DTNA: variants seen among roughly 807,000 people sequenced by gnomAD.
The protein encoded by DTNA is dystrophin-related protein 3.
In DTNA, 43 loss-of-function variants were observed where a neutral mutation model predicts 100.7. The ratio of observed to expected loss-of-function variants is 0.43; its 90% confidence interval spans 0.33 to 0.55. The LOEUF is 0.55. Ranked by LOEUF, DTNA falls within the 20% of genes least tolerant of loss-of-function variation. The pLI is 0.04. For missense variants in DTNA, 798 were observed against 953.9 expected, an observed-to-expected ratio of 0.84 and a Z score of 2.15; for synonymous variants, 349 against 347.9, an observed-to-expected ratio of 1.00 and a Z score of -0.04.
At chr18:34,597,576 A>C (rs16965609) in intron 1 of DTNA, among the ~76,000 whole-genome samples, 1 of 152,222 alleles carries the variant, frequency 6.6e-6, no homozygotes. Context: ...TTAGTGATTC[A>C]TGACTCCCTT....
chr18:34,590,057 A>G (rs12326254), intron 1 of DTNA, among the ~76,000 whole-genome samples: 15,669 of 152,230 alleles, frequency 0.1, 1,170 homozygotes, highest in African/African-American at 0.21. Context: ...ATAATGCTGC[A>G]ATGAGCATGG....
chr18:34,572,849 T>C (rs2047725315), intron 1 of DTNA, among the ~76,000 whole-genome samples: 1 of 152,168 alleles, frequency 6.6e-6, no homozygotes, highest in African/African-American at 2.4e-5. Context: ...AGTGGCCTCT[T>C]TATTCCTGAA....
chr18:34,701,273 T>C (rs1256594728), intron 1 of DTNA, among the ~76,000 whole-genome samples: 1 of 152,148 alleles, frequency 6.6e-6, no homozygotes, highest in East Asian at 1.9e-4. Flanking sequence ...CCAAAAAAGG[T>C]TCTTGTTAAG....
intron 3 of DTNA, 65 bp from the exon 4 acceptor site, chr18:34,793,972 A>G (rs2094861575): frequency 3.3e-6 from 5 of 1,530,448 alleles, no homozygotes; most frequent in South Asian, 2.3e-5. Context: ...ACAGAGGGTC[A>G]TGTAAACTGA....
intron 1 of DTNA, among the ~76,000 whole-genome samples, chr18:34,540,919 G>T (rs142600757): frequency 1.0e-3 from 157 of 151,970 alleles, no homozygotes; most frequent in African/African-American, 3.6e-3. Context: ...TTGAAGGTAG[G>T]GTTTTCATCT....
intron 1 of DTNA, among the ~76,000 whole-genome samples, chr18:34,494,451 G>C (rs2038957384): frequency 6.6e-6 from 1 of 152,162 alleles, no homozygotes; most frequent in African/African-American, 2.4e-5. Flanking sequence ...CTGCTGGACA[G>C]AGGGCAGGCG....
At chr18:34,835,776 T>C (rs1172257038) in intron 11 of DTNA, among the ~76,000 whole-genome samples, 5 of 152,232 alleles carry the variant, frequency 3.3e-5, no homozygotes, top group Non-Finnish European at 7.3e-5. Flanking sequence ...GGCAAACACA[T>C]CTTTGTGGTT....
At chr18:34,542,871 AG>A (rs1159169121) in intron 1 of DTNA, among the ~76,000 whole-genome samples, 1 of 145,334 alleles carries the variant, frequency 6.9e-6, no homozygotes, top group East Asian at 2.1e-4. Flanking sequence ...CACTTTAAAA[AG>A]CAACTACATT....
At chr18:34,547,786 G>A (rs1242087225) in intron 1 of DTNA, among the ~76,000 whole-genome samples, 2 of 152,036 alleles carry the variant, frequency 1.3e-5, no homozygotes, top group Non-Finnish European at 2.9e-5. Context: ...GACAAAAGTT[G>A]GAATAGATTG....
rs1555881846 is a variant in DTNA at position 34,862,140 on chromosome 18, A to AAG, written c.1647-1825_1647-1824insGA. 2.9e-3 allele frequency among the ~76,000 whole-genome samples: 420 copies of AAG among 146,980 alleles called. 10 individuals are homozygous for AAG. Among genetic ancestry groups the AAG allele is most frequent in the African/African-American group, 0.01 (404 of 39,138 alleles). ...AGACAAGGTCAAAAAAAAAAAAAAA[A>AAG]AAAGAGAAAGAGAAAGAACACCTCC... On this transcript the variant is annotated intron_variant, in intron 16 of 22. Transcript: ENST00000444659.
At chr18:34,708,473 A>G (rs1476219104), upstream of DTNA, among the ~76,000 whole-genome samples, 1 of 152,204 alleles carries the variant, frequency 6.6e-6, no homozygotes, top group South Asian at 2.1e-4. Flanking sequence ...TTTTTCTTCC[A>G]TATTTAAAGA....
At chr18:34,509,155 A>G (rs1156828961) in intron 1 of DTNA, among the ~76,000 whole-genome samples, 1 of 152,130 alleles carries the variant, frequency 6.6e-6, no homozygotes, top group African/African-American at 2.4e-5. Flanking sequence ...TGTTTGCTCA[A>G]TAATACCATT....
At chr18:34,664,534 GGTTATA>G (rs1458787985) in intron 1 of DTNA, among the ~76,000 whole-genome samples, 1 of 152,026 alleles carries the variant, frequency 6.6e-6, no homozygotes, top group Non-Finnish European at 1.5e-5. Flanking sequence ...CTGAATGCTG[GGTTATA>G]CAATGTCCAT....
intron 1 of DTNA, among the ~76,000 whole-genome samples, chr18:34,624,479 T>C (rs894822313): frequency 1.3e-5 from 2 of 152,194 alleles, no homozygotes; most frequent in African/African-American, 2.4e-5. Flanking sequence ...TTTAACATTA[T>C]TTTTGAGTAA....
chr18:34,868,338 ACTGACCT>A, intron 17 of DTNA: 1 of 403,170 alleles, frequency 2.5e-6, no homozygotes, highest in Middle Eastern at 1.2e-3. Context: ...TGTTTCTTAT[ACTGACCT>A]CAGTCAAAAT....
At chr18:34,648,861 A>T (rs2060138473) in intron 1 of DTNA, among the ~76,000 whole-genome samples, 1 of 152,230 alleles carries the variant, frequency 6.6e-6, no homozygotes, top group Non-Finnish European at 1.5e-5. Context: ...TGTATGTGCA[A>T]ATGTATTTTT....
intron 1 of DTNA, among the ~76,000 whole-genome samples, chr18:34,612,255 G>C (rs1051184659): frequency 1.3e-5 from 2 of 152,150 alleles, no homozygotes; most frequent in African/African-American, 4.8e-5. Context: ...GGACCTCTGG[G>C]ATCCTGCAGC....
rs532339494 is a variant in DTNA at position 34,579,304 on chromosome 18, G to T, written c.-2+85790G>T. ...TAAAATATGAATAGATAGGTAGGTA[G>T]ATGATGATAGATATGTAGGTAGGTA... On this transcript the variant is annotated intron_variant, in intron 1 of 19. Transcript: ENST00000283365. 2.6e-5 allele frequency among the ~76,000 whole-genome samples: 4 copies of T among 152,286 alleles called. No individual in the cohort carries two copies. The South Asian group carries it at 8.3e-4, about 32-fold the overall frequency.
intron 1 of DTNA, among the ~76,000 whole-genome samples, chr18:34,693,360 A>G (rs998027454): frequency 2.6e-5 from 4 of 152,178 alleles, no homozygotes; most frequent in Non-Finnish European, 5.9e-5. Context: ...CAGATCATGC[A>G]GCCCAGACCT....
Sources: gnomAD v4.1 joint callset for allele counts (sites outside exome capture counted in the v4.1 genomes callset) on GRCh38, gnomAD v4.1.1 for gene constraint, MANE v1.5 for transcripts, NCBI Gene and HGNC (gene_info 2026-07-23, HGNC 2026-07-21) for gene names.